Variants in CNTNAP2 observed in about 807,000 individuals in gnomAD.
CNTNAP2 encodes contactin-associated protein-like 2.
CNTNAP2 carries 98 observed loss-of-function variants against 155.2 expected under a neutral mutation model. The ratio of observed to expected loss-of-function variants is 0.63; its 90% CI spans 0.54 to 0.75. The LOEUF (loss-of-function observed/expected upper bound fraction) is 0.75. Ranked by LOEUF, CNTNAP2 falls within the 30% of genes least tolerant of loss-of-function variation. The pLI, the probability that CNTNAP2 is intolerant of heterozygous loss-of-function variation, is 0.00. For synonymous variants in CNTNAP2, 651 were observed against 631.2 expected (o/e 1.03, Z -0.47); for missense variants, 1,727 against 1,688.1 (o/e 1.02, Z -0.40).
chr7:148,113,274 G>A (rs916540485), intron 15 of CNTNAP2, among the ~76,000 whole-genome samples: 3 of 152,136 alleles, frequency 2.0e-5, no homozygotes, highest in African/African-American at 7.2e-5. Flanking sequence ...AAGGCAAAGG[G>A]GATGTACACA....
At chr7:147,277,297 G>T (rs78593806) in intron 8 of CNTNAP2, among the ~76,000 whole-genome samples, 1,631 of 151,998 alleles carry the variant, frequency 0.011, 29 homozygotes, top group African/African-American at 0.037. Flanking sequence ...AGTCATAGCA[G>T]GATGGTTCAG....
intron 8 of CNTNAP2, among the ~76,000 whole-genome samples, chr7:147,239,343 T>C (rs532635495): frequency 2.0e-5 from 3 of 147,280 alleles, no homozygotes; most frequent in East Asian, 2.0e-4. Flanking sequence ...CCGTCTCTAC[T>C]AAAAAAAAAA....
chr7:147,833,839 G>A (rs1282651488), intron 13 of CNTNAP2, among the ~76,000 whole-genome samples: 1 of 152,162 alleles, frequency 6.6e-6, no homozygotes, highest in African/African-American at 2.4e-5. Flanking sequence ...TGTGCTGTAG[G>A]AGAGATCATA....
chr7:146,680,685 T>C (rs1800486656), intron 1 of CNTNAP2, among the ~76,000 whole-genome samples: 1 of 152,240 alleles, frequency 6.6e-6, no homozygotes, highest in Non-Finnish European at 1.5e-5. Context: ...ACGTGTGTTC[T>C]GAAATAAAAG....
intron 11 of CNTNAP2, among the ~76,000 whole-genome samples, chr7:147,527,125 C>T (rs1799339217): frequency 6.9e-6 from 1 of 144,894 alleles, no homozygotes; most frequent in African/African-American, 2.6e-5. Flanking sequence ...TGGGTTCACA[C>T]CATTCTTCTG....
chr7:147,503,292 C>G (rs1310671624), intron 11 of CNTNAP2, among the ~76,000 whole-genome samples: 1 of 152,182 alleles, frequency 6.6e-6, no homozygotes, highest in South Asian at 2.1e-4. Flanking sequence ...GTCTCTGTCC[C>G]TGTGTCAGAA....
At chr7:147,744,314 C>T (rs899836523) in intron 13 of CNTNAP2, among the ~76,000 whole-genome samples, 2 of 152,166 alleles carry the variant, frequency 1.3e-5, no homozygotes, top group Admixed American at 1.3e-4. Flanking sequence ...ATTCAATAAG[C>T]AGAATTCCTG....
At chr7:146,914,520 G>C (rs1385512499) in intron 3 of CNTNAP2, among the ~76,000 whole-genome samples, 1 of 151,742 alleles carries the variant, frequency 6.6e-6, no homozygotes, top group Non-Finnish European at 1.5e-5. Context: ...ATCACATTGT[G>C]GTTTTGATTT....
At chr7:146,912,276 C>A (rs1017807628) in intron 3 of CNTNAP2, among the ~76,000 whole-genome samples, 1 of 149,770 alleles carries the variant, frequency 6.7e-6, no homozygotes, top group Non-Finnish European at 1.5e-5. Context: ...TACATGTAAC[C>A]ACAGTGCTTT....
intron 2 of CNTNAP2, among the ~76,000 whole-genome samples, chr7:146,836,801 A>T (rs908068164): frequency 5.3e-4 from 80 of 152,156 alleles, no homozygotes; most frequent in African/African-American, 1.9e-3. Flanking sequence ...TATACACATA[A>T]AAGTGATGAA....
intron 8 of CNTNAP2, among the ~76,000 whole-genome samples, chr7:147,184,053 C>A (rs904030789): frequency 1.3e-5 from 2 of 151,892 alleles, no homozygotes; most frequent in East Asian, 3.9e-4. Flanking sequence ...ATTTAATTAC[C>A]CATTAAAAAT....
At chr7:146,612,333 CAAG>C (rs1269577665) in intron 1 of CNTNAP2, among the ~76,000 whole-genome samples, 1 of 152,078 alleles carries the variant, frequency 6.6e-6, no homozygotes, top group African/African-American at 2.4e-5. Flanking sequence ...GTGAGAATGA[CAAG>C]AAGATGTGAA....
chr7:147,642,019 T>G (rs1288093267), intron 13 of CNTNAP2, among the ~76,000 whole-genome samples: 1 of 151,732 alleles, frequency 6.6e-6, no homozygotes, highest in Non-Finnish European at 1.5e-5. Context: ...TGCGTGTGTG[T>G]GTGTGTGTGT....
intron 15 of CNTNAP2, among the ~76,000 whole-genome samples, chr7:148,087,119 T>C (rs926582882): frequency 6.6e-5 from 10 of 152,178 alleles, no homozygotes; most frequent in African/African-American, 2.4e-4. Context: ...GCCCGAACTA[T>C]CATTTTTGAG....
intron 20 of CNTNAP2, among the ~76,000 whole-genome samples, chr7:148,262,115 G>A (rs138124079): frequency 0.016 from 2,444 of 152,234 alleles, 30 homozygotes; most frequent in South Asian, 0.027. Context: ...GTCAGGAAGG[G>A]CTTATTTTAG....
At chr7:146,428,886 C>T (rs1796132380) in intron 1 of CNTNAP2, among the ~76,000 whole-genome samples, 1 of 151,730 alleles carries the variant, frequency 6.6e-6, no homozygotes, top group South Asian at 2.1e-4. Flanking sequence ...AGTTTGGGGT[C>T]TTATATTTTA....
chr7:146,964,745 A>C (rs975508613), intron 3 of CNTNAP2, among the ~76,000 whole-genome samples: 5 of 152,214 alleles, frequency 3.3e-5, no homozygotes, highest in Non-Finnish European at 7.3e-5. Context: ...CAAGTATTGT[A>C]GGCTTTATCG....
chr7:146,167,228 TTAC>T (rs1798325397), intron 1 of CNTNAP2, among the ~76,000 whole-genome samples: 1 of 152,232 alleles, frequency 6.6e-6, no homozygotes, highest in Non-Finnish European at 1.5e-5. Flanking sequence ...CTAGTATGAA[TTAC>T]TTATACATTA....
intron 18 of CNTNAP2, among the ~76,000 whole-genome samples, chr7:148,181,342 AG>A (rs1294420873): frequency 6.6e-6 from 1 of 152,228 alleles, no homozygotes; most frequent in Non-Finnish European, 1.5e-5. Flanking sequence ...TCTGATTAAA[AG>A]CTTAAAAAAT....
Sources: gnomAD v4.1 joint callset for allele counts (sites outside exome capture counted in the v4.1 genomes callset) on GRCh38, gnomAD v4.1.1 for gene constraint, MANE v1.5 for transcripts, NCBI Gene and HGNC (gene_info 2026-07-23, HGNC 2026-07-21) for gene names.